Variants in NKAIN3 observed in about 807,000 individuals in gnomAD.
The protein encoded by NKAIN3 is sodium/potassium-transporting ATPase subunit beta-1-interacting protein 3.
NKAIN3 carries 25 observed loss-of-function variants against 30.2 expected under a neutral mutation model. The observed-to-expected ratio is 0.83, with a 90% CI of 0.60 to 1.16. The LOEUF (loss-of-function observed/expected upper bound fraction) is 1.16, where lower values mean the gene tolerates loss of function less well. Ranked by LOEUF, NKAIN3 falls within the 50% of genes most tolerant of loss-of-function variation. NKAIN3 has a pLI of 0.00. For missense variants in NKAIN3, 225 were observed against 254.1 expected, an observed-to-expected ratio of 0.89 and a Z score of 0.78; for synonymous variants, 91 against 89.6, an observed-to-expected ratio of 1.02 and a Z score of -0.09.
chr8:62,655,500 C>T (rs947041194), intron 3 of NKAIN3, among the ~76,000 whole-genome samples: 15 of 151,936 alleles, frequency 9.9e-5, no homozygotes, highest in Non-Finnish European at 2.1e-4. Context: ...TTTAAATAGT[C>T]ACTATAGGGA....
In NKAIN3 at chr8:62,696,899, C is replaced by T. The variant is rs912528800; in HGVS notation, c.274-50033C>T. Among the ~76,000 whole-genome samples the T allele has an allele frequency of 3.9e-5, 6 of 152,044 alleles. No individual in the cohort carries two copies. In the South Asian group the frequency reaches 1.2e-3, roughly 32 times the overall value. On this transcript the variant is annotated intron_variant, in intron 3 of 6. Coordinates refer to ENST00000623646, the MANE Select transcript of NKAIN3 (RefSeq NM_001304533.3). ...TGAAATAAATTATTTATCAAGATTT[C>T]CTGTAGTCATAGAATTCAATGATTT...
chr8:62,576,876 G>A (rs1039018813), intron 1 of NKAIN3, among the ~76,000 whole-genome samples: 1 of 151,898 alleles, frequency 6.6e-6, no homozygotes, highest in African/African-American at 2.4e-5. Context: ...ATCTTATTTG[G>A]GGTCTCTGGG....
intron 3 of NKAIN3, among the ~76,000 whole-genome samples, chr8:62,651,378 G>A (rs916518785): frequency 2.0e-5 from 3 of 152,088 alleles, no homozygotes; most frequent in Admixed American, 6.6e-5. Flanking sequence ...TCTCATAATG[G>A]AGCAATTTGC....
chr8:62,943,146 G>A (rs768646625), intron 5 of NKAIN3, among the ~76,000 whole-genome samples: 15 of 151,976 alleles, frequency 9.9e-5, no homozygotes, highest in South Asian at 4.1e-4. Flanking sequence ...TCTGACAAAC[G>A]ACTAATATCC....
intron 1 of NKAIN3, among the ~76,000 whole-genome samples, chr8:62,432,507 C>A (rs141505868): frequency 1.3e-3 from 196 of 152,142 alleles, no homozygotes; most frequent in African/African-American, 4.6e-3. Flanking sequence ...GTTTATGCAT[C>A]AAATTAATCT....
intron 1 of NKAIN3, among the ~76,000 whole-genome samples, chr8:62,519,874 C>T (rs2129779291): frequency 6.6e-6 from 1 of 152,268 alleles, no homozygotes; most frequent in South Asian, 2.1e-4. Context: ...TAGTTCAGCA[C>T]AGCCCTGTGC....
chr8:62,733,439 G>A (rs572219489), intron 3 of NKAIN3, among the ~76,000 whole-genome samples: 4 of 152,142 alleles, frequency 2.6e-5, no homozygotes, highest in South Asian at 4.2e-4. Flanking sequence ...ATATCTATAC[G>A]TATATATTTC....
intron 5 of NKAIN3, among the ~76,000 whole-genome samples, chr8:62,940,461 T>C (rs969474453): frequency 1.3e-5 from 2 of 152,120 alleles, no homozygotes; most frequent in African/African-American, 4.8e-5. Flanking sequence ...AACTGCAGAA[T>C]AGACATTCTA....
chr8:62,965,242 C>T (rs993949646), intron 6 of NKAIN3, 112 bp from the exon 7 acceptor site: 9 of 944,804 alleles, frequency 9.5e-6, no homozygotes, highest in Non-Finnish European at 1.1e-5. Flanking sequence ...AGTCAGACAG[C>T]ACCAGGTGCA....
chr8:62,904,958 G>T (rs529475096), intron 4 of NKAIN3, among the ~76,000 whole-genome samples: 86 of 152,228 alleles, frequency 5.6e-4, no homozygotes, highest in Admixed American at 1.3e-3. Context: ...ACTCTCAGAG[G>T]ACACGATCTT....
intron 1 of NKAIN3, among the ~76,000 whole-genome samples, chr8:62,430,387 GTGTGT>G (rs1233106171): frequency 1.3e-5 from 2 of 150,900 alleles, no homozygotes; most frequent in Non-Finnish European, 3.0e-5. Context: ...GTGTGTGTGT[GTGTGT>G]GTGTGTGTGT....
At chr8:62,581,162 TAAAA>T (rs1235539631) in intron 2 of NKAIN3, among the ~76,000 whole-genome samples, 2 of 139,802 alleles carry the variant, frequency 1.4e-5, no homozygotes, top group African/African-American at 5.4e-5. Context: ...TAAAATAAAA[TAAAA>T]TAAAAATACA....
At chr8:62,827,870 G>GCACATTTT (rs1256282799) in intron 4 of NKAIN3, among the ~76,000 whole-genome samples, 11 of 151,996 alleles carry the variant, frequency 7.2e-5, no homozygotes, top group African/African-American at 2.7e-4. Context: ...TTACATTTAT[G>GCACATTTT]AGCTACACCA....
At chr8:62,462,000 A>C (rs894852005) in intron 1 of NKAIN3, among the ~76,000 whole-genome samples, 1 of 152,044 alleles carries the variant, frequency 6.6e-6, no homozygotes, top group African/African-American at 2.4e-5. Context: ...AAGTAGGATG[A>C]ATTCAAAGAA....
chr8:62,536,409 AG>A (rs1365742507), intron 1 of NKAIN3, among the ~76,000 whole-genome samples: 12 of 152,312 alleles, frequency 7.9e-5, no homozygotes, highest in African/African-American at 2.9e-4. Flanking sequence ...GTTAGCCATT[AG>A]TTTAACAATA....
At chr8:62,639,812 A>G (rs1812251865) in intron 3 of NKAIN3, among the ~76,000 whole-genome samples, 1 of 152,026 alleles carries the variant, frequency 6.6e-6, no homozygotes, top group South Asian at 2.1e-4. Flanking sequence ...TTTTCTGATT[A>G]CTTCCCTTTT....
At chr8:62,544,268 G>T (rs187411045) in intron 1 of NKAIN3, among the ~76,000 whole-genome samples, 2 of 152,202 alleles carry the variant, frequency 1.3e-5, no homozygotes, top group Admixed American at 1.3e-4. Flanking sequence ...CTCCCAAAGT[G>T]CTGGGATTAC....
At chr8:62,350,849 C>G (rs552324473) in intron 1 of NKAIN3, among the ~76,000 whole-genome samples, 1 of 151,626 alleles carries the variant, frequency 6.6e-6, no homozygotes, top group East Asian at 1.9e-4. Context: ...GCCACCATGC[C>G]CGGCTAATTT....
At chr8:62,879,252 T>G (rs200058684) in intron 4 of NKAIN3, among the ~76,000 whole-genome samples, 26 of 152,150 alleles carry the variant, frequency 1.7e-4, no homozygotes, top group African/African-American at 6.0e-4. Flanking sequence ...TTGCATTTCT[T>G]TGATGGCCAG....
Sources: allele counts gnomAD v4.1 joint callset (sites outside exome capture counted in the v4.1 genomes callset), GRCh38; gene constraint gnomAD v4.1.1; transcripts MANE v1.5; gene names NCBI Gene and HGNC (gene_info 2026-07-23, HGNC 2026-07-21).